RAB33B: variants seen among roughly 807,000 people sequenced by gnomAD.
The protein encoded by RAB33B is RAB33B, member RAS oncogene family, also known as ras-related protein Rab-33B.
A neutral mutation model predicts 15.0 loss-of-function variants in RAB33B; 6 were observed. That is an observed-to-expected ratio of 0.40 (90% CI 0.22 to 0.79). The LOEUF (loss-of-function observed/expected upper bound fraction) is 0.79. Ranked by LOEUF, RAB33B falls within the 30% of genes least tolerant of loss-of-function variation. RAB33B has a pLI of 0.37. For synonymous variants in RAB33B, 117 were observed against 108.3 expected (o/e 1.08, Z -0.50); for missense variants, 257 against 296.4 (o/e 0.87, Z 0.98).
intron 1 of RAB33B, among the ~76,000 whole-genome samples, chr4:139,460,918 A>G (rs1750159985): frequency 6.6e-6 from 1 of 152,314 alleles, no homozygotes; most frequent in East Asian, 1.9e-4. Context: ...TCAGAAGCCT[A>G]TGATTCTCTT....
the RAB33B span, among the ~76,000 whole-genome samples, chr4:139,445,676 G>A: frequency 6.6e-6 from 1 of 152,260 alleles, no homozygotes; most frequent in South Asian, 2.1e-4. Context: ...TGAGTGACCC[G>A]AAAGGCTGCC....
Position 139,473,298 on chromosome 4 carries a change from C to G in RAB33B, c.*172C>G. 1 of 633,642 alleles carries G rather than the reference C, an allele frequency of 1.6e-6. No homozygotes were observed. The highest frequency in any genetic ancestry group is 2.8e-5 in the South Asian group (1 of 36,210). 39.3% of individuals were successfully genotyped at this position (633,642 alleles called of 1,614,324 possible). ...CTACTTAAGTTTGTCACTGTGACAA[C>G]ACAGGAAAAGTTGGTTTTCAGGTGA... On this transcript the variant is annotated 3_prime_UTR_variant, in exon 2 of 2. Coordinates refer to ENST00000305626, the MANE Select transcript of RAB33B (RefSeq NM_031296.3).
intron 1 of RAB33B, among the ~76,000 whole-genome samples, chr4:139,457,928 T>G (rs1181562471): frequency 1.3e-5 from 2 of 152,198 alleles, no homozygotes; most frequent in Admixed American, 6.5e-5. Context: ...CTATTAACTG[T>G]CTTGTCTTCA....
intron 1 of RAB33B, among the ~76,000 whole-genome samples, chr4:139,462,344 C>T (rs1428581429): frequency 3.9e-5 from 6 of 152,208 alleles, no homozygotes; most frequent in South Asian, 2.1e-4. Flanking sequence ...TGAGCCACCG[C>T]GCCCGGCCAT....
chr4:139,467,034 T>C (rs1390718103), intron 1 of RAB33B, among the ~76,000 whole-genome samples: 2 of 144,628 alleles, frequency 1.4e-5, no homozygotes, highest in Non-Finnish European at 3.0e-5. Context: ...AGTGACATGA[T>C]CTCAGCTCAC....
At position 139,474,903 on chromosome 4, in the gene RAB33B, A is replaced by AT. The variant is rs1163830080; in HGVS notation, c.*1778dup. 1.3e-5 allele frequency: 2 copies of AT among 152,610 alleles called. No homozygotes were observed. Among genetic ancestry groups the AT allele is most frequent in the Non-Finnish European group, 2.9e-5 (2 of 67,978 alleles). 9.5% of individuals were successfully genotyped at this position (152,610 alleles called of 1,614,324 possible). ...ATTATTGTACTACAGTATTTTCAGA[A>AT]TATGGGAAATCAATTAAAAATGTAA... On this transcript the variant is annotated 3_prime_UTR_variant, in exon 2 of 2. Coordinates refer to ENST00000305626, the MANE Select transcript of RAB33B (RefSeq NM_031296.3).
chr4:139,468,581 AAG>A (rs1476448677), intron 1 of RAB33B, among the ~76,000 whole-genome samples: 1 of 152,228 alleles, frequency 6.6e-6, no homozygotes, highest in African/African-American at 2.4e-5. Context: ...TACTTAGAAT[AAG>A]AGTAGTTTAT....
upstream of RAB33B, chr4:139,453,532 A>G (rs1413821866): frequency 6.6e-6 from 1 of 152,064 alleles, no homozygotes; most frequent in South Asian, 2.1e-4. Context: ...CGCTGTCCCA[A>G]CTCCCGCAGT....
At chr4:139,447,051 G>A in the RAB33B span, among the ~76,000 whole-genome samples, 5 of 152,254 alleles carry the variant, frequency 3.3e-5, no homozygotes, top group South Asian at 1.0e-3. Flanking sequence ...TACTATCTGT[G>A]GACTCACAGA....
chr4:139,473,880 A>G lies in RAB33B; in HGVS notation c.*754A>G, dbSNP rs1750446523. The G allele has an allele frequency of 1.3e-5, 2 of 148,530 alleles. No homozygotes were observed. The highest frequency in any genetic ancestry group is 1.3e-4 in the Admixed American group (2 of 14,920). The allele number at this position is 148,530 out of a possible 1,614,324, so 9.2% of individuals were successfully genotyped here. On this transcript the variant is annotated 3_prime_UTR_variant, in exon 2 of 2. Transcript: ENST00000305626. ...ACAAAAATCATTATTATTTTAAAAGAGTTATTTGAGTTTCTTTCTTTCTTT... is the reference window on the plus strand; with the variant it reads ...ACAAAAATCATTATTATTTTAAAAGGGTTATTTGAGTTTCTTTCTTTCTTT...
the RAB33B span, among the ~76,000 whole-genome samples, chr4:139,441,768 A>G: frequency 6.6e-6 from 1 of 152,226 alleles, no homozygotes; most frequent in Non-Finnish European, 1.5e-5. Flanking sequence ...AAAAATCATA[A>G]GTGAAACCGT....
At chr4:139,457,312 C>T (rs188191389) in intron 1 of RAB33B, among the ~76,000 whole-genome samples, 4 of 152,272 alleles carry the variant, frequency 2.6e-5, no homozygotes, top group Admixed American at 6.5e-5. Flanking sequence ...CAAATACATT[C>T]GGCTTTTAAA....
At chr4:139,448,453 A>C (rs1272660670), upstream of RAB33B, 3 of 151,412 alleles carry the variant, frequency 2.0e-5, no homozygotes, top group Non-Finnish European at 4.4e-5. Context: ...TTTTTTTTTG[A>C]GATGGAGCCT....
chr4:139,454,047 G>A, upstream of RAB33B: 1 of 932,796 alleles, frequency 1.1e-6, no homozygotes, highest in South Asian at 1.8e-5. Context: ...GCGGGAAGGT[G>A]CGCAGGCGCG....
intron 1 of RAB33B, among the ~76,000 whole-genome samples, chr4:139,458,348 C>T (rs953480156): frequency 1.3e-5 from 2 of 152,028 alleles, no homozygotes; most frequent in Non-Finnish European, 1.5e-5. Flanking sequence ...TATAGTTAAA[C>T]ATGTCACAGG....
At chr4:139,464,732 G>A (rs1750247472) in intron 1 of RAB33B, among the ~76,000 whole-genome samples, 1 of 152,050 alleles carries the variant, frequency 6.6e-6, no homozygotes, top group Non-Finnish European at 1.5e-5. Context: ...CCTTTTTTAT[G>A]GCTGCATAGT....
At chr4:139,453,119 T>G (rs1749964763), upstream of RAB33B, 1 of 152,210 alleles carries the variant, frequency 6.6e-6, no homozygotes, top group African/African-American at 2.4e-5. Context: ...CTTTAACCGC[T>G]ACATCATCGT....
chr4:139,446,208 C>T, the RAB33B span, among the ~76,000 whole-genome samples: 1 of 152,202 alleles, frequency 6.6e-6, no homozygotes, highest in Non-Finnish European at 1.5e-5. Flanking sequence ...CGAGCCTGCA[C>T]CGATGGCCTC....
chr4:139,468,092 C>T (rs1435883298), intron 1 of RAB33B, among the ~76,000 whole-genome samples: 1 of 151,488 alleles, frequency 6.6e-6, no homozygotes, highest in Non-Finnish European at 1.5e-5. Flanking sequence ...ATTTTTAGAT[C>T]CCACAAATAA....
Sources: allele counts gnomAD v4.1 joint callset (sites outside exome capture counted in the v4.1 genomes callset), GRCh38; gene constraint gnomAD v4.1.1; transcripts MANE v1.5; gene names NCBI Gene and HGNC (gene_info 2026-07-23, HGNC 2026-07-21).